Variants in TCF20 observed in about 807,000 individuals in gnomAD.
The protein encoded by TCF20 is SPRE-binding protein.
TCF20 carries 3 observed loss-of-function variants against 148.6 expected under a neutral mutation model. The ratio of observed to expected loss-of-function variants is 0.02; its 90% confidence interval spans 0.01 to 0.05. TCF20 has a LOEUF of 0.05. TCF20 is among the 10% of genes least tolerant of loss of function. TCF20 has a pLI of 1.00. For missense variants in TCF20, 2,350 were observed against 2,429.3 expected (o/e 0.97, Z 0.69); for synonymous variants, 1,049 against 909.5 (o/e 1.15, Z -2.76).
chr22:42,306,531 T>A (rs1280688455), intron 1 of TCF20, among the ~76,000 whole-genome samples: 2 of 152,188 alleles, frequency 1.3e-5, no homozygotes, highest in Non-Finnish European at 2.9e-5. Flanking sequence ...GCCTCCACTG[T>A]GCCCGTGGAA....
intron 5 of TCF20, among the ~76,000 whole-genome samples, chr22:42,166,710 C>T (rs1383096352): frequency 1.3e-5 from 2 of 152,038 alleles, no homozygotes; most frequent in African/African-American, 2.4e-5. Context: ...GGAGATTTGT[C>T]CACCAGGCCC....
chr22:42,247,188 C>T (rs1310355208), intron 1 of TCF20, among the ~76,000 whole-genome samples: 1 of 151,530 alleles, frequency 6.6e-6, no homozygotes, highest in East Asian at 2.0e-4. Context: ...ACCTGTGATC[C>T]CAGCACTTTG....
chr22:42,173,958 CT>C (rs1406863703), intron 3 of TCF20, among the ~76,000 whole-genome samples: 1 of 152,194 alleles, frequency 6.6e-6, no homozygotes, highest in African/African-American at 2.4e-5. Flanking sequence ...ACTAGGCAGG[CT>C]ACCAAGATGG....
intron 1 of TCF20, among the ~76,000 whole-genome samples, chr22:42,339,904 C>A (rs758803258): frequency 6.6e-6 from 1 of 152,180 alleles, no homozygotes; most frequent in Non-Finnish European, 1.5e-5. Flanking sequence ...CCAGGATGCA[C>A]GAAAGAGTTT....
chr22:42,342,318 G>A (rs1236776935), intron 1 of TCF20, among the ~76,000 whole-genome samples: 1 of 152,208 alleles, frequency 6.6e-6, no homozygotes, highest in Non-Finnish European at 1.5e-5. Flanking sequence ...TGGACAGGCA[G>A]GTAGGAAGGC....
intron 1 of TCF20, among the ~76,000 whole-genome samples, chr22:42,224,258 T>G (rs1242815479): frequency 4.0e-5 from 6 of 151,818 alleles, no homozygotes. Flanking sequence ...GATAACGAGG[T>G]CAGGAGATTG....
At chr22:42,168,012 C>T (rs1384093060) in intron 5 of TCF20, among the ~76,000 whole-genome samples, 1 of 151,962 alleles carries the variant, frequency 6.6e-6, no homozygotes, top group African/African-American at 2.4e-5. Context: ...CAGGTATGAG[C>T]CACCATGCCC....
chr22:42,163,037 G>C (rs1407092765), intron 5 of TCF20, among the ~76,000 whole-genome samples: 2 of 152,208 alleles, frequency 1.3e-5, no homozygotes, highest in African/African-American at 4.8e-5. Flanking sequence ...TGGGGCTGCA[G>C]GATGCCCGTG....
chr22:42,332,757 C>T (rs900519768), intron 1 of TCF20, among the ~76,000 whole-genome samples: 2 of 152,204 alleles, frequency 1.3e-5, no homozygotes, highest in Non-Finnish European at 1.5e-5. Flanking sequence ...CATGAGCCAC[C>T]GTGCCCCGCA....
chr22:42,271,956 GAGGGTCTC>G (rs55750942), upstream of TCF20, among the ~76,000 whole-genome samples: 27,140 of 152,064 alleles, frequency 0.18, 2,622 homozygotes, highest in East Asian at 0.33. Context: ...GCTACCCAAG[GAGGGTCTC>G]AGGGTCCCAG....
At chr22:42,308,347 A>G (rs1224667856) in intron 1 of TCF20, among the ~76,000 whole-genome samples, 2 of 152,148 alleles carry the variant, frequency 1.3e-5, no homozygotes, top group South Asian at 2.1e-4. Context: ...GGGGGCCCAC[A>G]AACACTAGGG....
At chr22:42,311,996 C>G (rs377105899) in intron 1 of TCF20, among the ~76,000 whole-genome samples, 1 of 152,150 alleles carries the variant, frequency 6.6e-6, no homozygotes, top group Non-Finnish European at 1.5e-5. Context: ...GAATCACAAA[C>G]GGTAAAACTT....
chr22:42,264,366 TCCA>T (rs1601678053), intron 1 of TCF20, among the ~76,000 whole-genome samples: 1 of 152,052 alleles, frequency 6.6e-6, no homozygotes, highest in East Asian at 1.9e-4. Context: ...ACAATACATC[TCCA>T]CATTTTTTAT....
intron 2 of TCF20, among the ~76,000 whole-genome samples, chr22:42,194,335 G>C (rs1056444270): frequency 2.0e-5 from 3 of 152,174 alleles, no homozygotes; most frequent in Non-Finnish European, 4.4e-5. Flanking sequence ...TCCATTATTG[G>C]GAGATGATTT....
At chr22:42,334,524 G>A (rs563897679) in intron 1 of TCF20, among the ~76,000 whole-genome samples, 12 of 152,358 alleles carry the variant, frequency 7.9e-5, no homozygotes, top group African/African-American at 2.6e-4. Context: ...ACTGTTCTAG[G>A]AGCTGGAGGC....
chr22:42,263,907 A>G (rs945874693), intron 1 of TCF20, among the ~76,000 whole-genome samples: 1 of 152,190 alleles, frequency 6.6e-6, no homozygotes, highest in African/African-American at 2.4e-5. Context: ...TTCTGTCAGT[A>G]TAAAGCCACA....
intron 1 of TCF20, among the ~76,000 whole-genome samples, chr22:42,237,672 A>T (rs1362296816): frequency 6.6e-6 from 1 of 152,254 alleles, no homozygotes; most frequent in Non-Finnish European, 1.5e-5. Context: ...CTTGAAAATC[A>T]AAATGATTCC....
chr22:42,182,309 G>A (rs1417519486), intron 2 of TCF20, among the ~76,000 whole-genome samples: 1 of 152,156 alleles, frequency 6.6e-6, no homozygotes, highest in Non-Finnish European at 1.5e-5. Context: ...TCATAGAAAT[G>A]TCATAAGGGT....
rs1198643602 is a variant in TCF20, at chr22:42,209,719, T to C, written c.5587A>G (p.Asn1863Asp). Reference sequence around the variant, plus strand: ...CTGCCACAAACCAGGTAGATTCCATTGGCCCAGAGAATACAACCCTCATGG... The same window carrying C: ...CTGCCACAAACCAGGTAGATTCCATCGGCCCAGAGAATACAACCCTCATGG... ...WVHEGCILWA[N>D]GIYLVCGRLY... Residue 1863 changes from asparagine (N) to aspartate (D), a missense_variant, in exon 2 of 6, where the codon AAT (asparagine) becomes GAT (aspartate). By Grantham distance (23) the Asn-to-Asp change is conservative. Coordinates refer to ENST00000677622, the MANE Select transcript of TCF20 (RefSeq NM_001378418.1). The C allele has an allele frequency of 2.5e-6, 4 of 1,614,098 alleles. No individual in the cohort carries two copies. Among genetic ancestry groups the C allele is most frequent in the Non-Finnish European group, 3.4e-6 (4 of 1,180,042 alleles).
Sources: gnomAD v4.1 joint callset for allele counts (sites outside exome capture counted in the v4.1 genomes callset) on GRCh38, gnomAD v4.1.1 for gene constraint, MANE v1.5 for transcripts, NCBI Gene and HGNC (gene_info 2026-07-23, HGNC 2026-07-21) for gene names.